The following SLC18B1 variants were observed in gnomAD, a reference collection of about 807,000 sequenced individuals.
The protein encoded by SLC18B1 is MFS-type transporter SLC18B1.
SLC18B1 carries 62 observed loss-of-function variants against 53.9 expected under a neutral mutation model. The observed-to-expected ratio is 1.15, with a 90% CI of 0.94 to 1.42. The LOEUF (loss-of-function observed/expected upper bound fraction) is 1.42. SLC18B1 is among the 40% of genes most tolerant of loss of function. SLC18B1 has a pLI of 0.00. For missense variants in SLC18B1, 598 were observed against 547.3 expected (o/e 1.09, Z -0.93); for synonymous variants, 217 against 200.9 (o/e 1.08, Z -0.68).
At chr6:132,798,076 A>G (rs1781745797) in intron 1 of SLC18B1, among the ~76,000 whole-genome samples, 1 of 152,240 alleles carries the variant, frequency 6.6e-6, no homozygotes, top group African/African-American at 2.4e-5. Context: ...GAGAAAGGGA[A>G]ATGAAAGTTA....
chr6:132,794,072 T>C (rs1470270327), intron 2 of SLC18B1, among the ~76,000 whole-genome samples: 1 of 151,936 alleles, frequency 6.6e-6, no homozygotes, highest in Non-Finnish European at 1.5e-5. Context: ...TTCTTCTCCA[T>C]CTCAATTCCA....
At chr6:132,796,120 G>A (rs979843946) in intron 2 of SLC18B1, among the ~76,000 whole-genome samples, 6 of 150,456 alleles carry the variant, frequency 4.0e-5, no homozygotes, top group African/African-American at 1.5e-4. Flanking sequence ...AGGCGGAGGC[G>A]GGCAGATCAT....
intron 5 of SLC18B1, among the ~76,000 whole-genome samples, chr6:132,785,162 T>C (rs557206544): frequency 6.6e-6 from 1 of 151,874 alleles, no homozygotes; most frequent in Non-Finnish European, 1.5e-5. Flanking sequence ...AGTGTGTACA[T>C]ATATATATGT....
At chr6:132,780,209 T>A (rs1781198442) in intron 6 of SLC18B1, among the ~76,000 whole-genome samples, 1 of 151,978 alleles carries the variant, frequency 6.6e-6, no homozygotes, top group South Asian at 2.1e-4. Flanking sequence ...CAAGTGATAC[T>A]CCTGTCTCAG....
intron 13 of SLC18B1, 26 bp downstream of exon 13, chr6:132,770,863 GA>G (rs772317197): frequency 1.3e-6 from 2 of 1,588,260 alleles, no homozygotes; most frequent in Non-Finnish European, 1.7e-6. Context: ...TTTAAAGAGA[GA>G]AAAAAAGCCC....
At chr6:132,780,565 GTTTTTTTT>G (rs10537572) in intron 6 of SLC18B1, among the ~76,000 whole-genome samples, 1 of 75,902 alleles carries the variant, frequency 1.3e-5, no homozygotes, top group African/African-American at 5.8e-5. Context: ...CGTGGTGTTA[GTTTTTTTT>G]TTTTTTTTTT....
At position 132,770,909 on chromosome 6, in the gene SLC18B1, C is replaced by T. The variant is rs1443047859; in HGVS notation, c.1285G>A (p.Glu429Lys). ...GLAMGLFYLL[E>K]YSRRKRSKSQ... ...CCATACCTTTTTCTCCTTGAATACTCCAGTAGATAAAACAAGCCCATGGCT... is the reference window on the plus strand; with the variant it reads ...CCATACCTTTTTCTCCTTGAATACTTCAGTAGATAAAACAAGCCCATGGCT... The change falls in exon 13 of 14, where the codon GAG becomes AAG. Residue 429 changes from glutamate (E) to lysine (K), a missense_variant. Physicochemically the swap from Glu to Lys is moderately conservative, Grantham distance 56 (BLOSUM62 1). Transcript: ENST00000275227. The T allele has an allele frequency of 1.2e-6, 2 of 1,612,376 alleles. No individual in the cohort carries two copies. The highest frequency in any genetic ancestry group is 1.7e-6 in the Non-Finnish European group (2 of 1,179,564).
chr6:132,792,320 G>A (rs71574632), intron 2 of SLC18B1, among the ~76,000 whole-genome samples: 127 of 95,290 alleles, frequency 1.3e-3, no homozygotes, highest in South Asian at 2.2e-3. Flanking sequence ...AGGAAGGAAG[G>A]AAGGAAGGAA....
intron 5 of SLC18B1, among the ~76,000 whole-genome samples, chr6:132,784,887 A>G (rs1185549002): frequency 6.6e-6 from 1 of 152,200 alleles, no homozygotes; most frequent in Non-Finnish European, 1.5e-5. Context: ...CAGTAAGAAC[A>G]GTAAAGAGTA....
intron 2 of SLC18B1, among the ~76,000 whole-genome samples, chr6:132,792,588 T>C (rs147974989): frequency 5.2e-4 from 79 of 152,130 alleles, no homozygotes; most frequent in Non-Finnish European, 8.7e-4. Flanking sequence ...CTAACAACAA[T>C]TAAATTAAAT....
At chr6:132,789,925 A>G in intron 3 of SLC18B1, 88 bp from the exon 4 acceptor site, 5 of 883,866 alleles carry the variant, frequency 5.7e-6, no homozygotes, top group Non-Finnish European at 9.4e-6. Context: ...TGGCAAATAT[A>G]GGATAGGGGA....
intron 6 of SLC18B1, among the ~76,000 whole-genome samples, chr6:132,782,343 T>G (rs951081955): frequency 2.6e-5 from 4 of 152,198 alleles, no homozygotes; most frequent in African/African-American, 7.2e-5. Flanking sequence ...GTGTATACAT[T>G]GTAGAATAAG....
intron 7 of SLC18B1, among the ~76,000 whole-genome samples, chr6:132,776,942 G>C (rs1321353943): frequency 6.6e-6 from 1 of 152,114 alleles, no homozygotes; most frequent in Non-Finnish European, 1.5e-5. Context: ...ATGTAAAACC[G>C]GGTGTGGTGG....
rs781141007 is a variant in SLC18B1, at chr6:132,771,057, T to C, written c.1233A>G (p.Gln411=). 4 of 1,614,118 alleles carry C rather than the reference T, an allele frequency of 2.5e-6. No individual in the cohort carries two copies. The East Asian group carries it at 8.9e-5, about 36-fold the overall frequency. Residue 411 remains glutamine (Q), a synonymous_variant, in exon 12 of 14, where the codon CAA becomes CAG. Transcript: ENST00000275227. ...TCACACTTATCAGAGCCCATAGACC[T>C]TGTATAGCTGCTGCCCATTCAAAAC... ...KIGFEWAAAI[Q]GLWALISGLA... is the part of the protein sequence containing the mutation.
At chr6:132,792,997 T>A (rs924702276) in intron 2 of SLC18B1, among the ~76,000 whole-genome samples, 1 of 152,188 alleles carries the variant, frequency 6.6e-6, no homozygotes, top group African/African-American at 2.4e-5. Flanking sequence ...GATGCGCGCC[T>A]GTAATCCCAG....
At chr6:132,786,459 G>A (rs565465840) in intron 5 of SLC18B1, among the ~76,000 whole-genome samples, 12 of 148,854 alleles carry the variant, frequency 8.1e-5, no homozygotes, top group African/African-American at 2.7e-4. Flanking sequence ...TGAGGCAAGA[G>A]AATAGCGTGA....
At chr6:132,786,082 A>C (rs1435535019) in intron 5 of SLC18B1, among the ~76,000 whole-genome samples, 2 of 152,124 alleles carry the variant, frequency 1.3e-5, no homozygotes, top group Admixed American at 6.5e-5. Flanking sequence ...GCCCTCTCCA[A>C]ACTTGCTTAA....
chr6:132,792,357 G>GGAAGGAAGGAAGGAAGGAAGGA (rs1562271694), intron 2 of SLC18B1, among the ~76,000 whole-genome samples: 7 of 100,950 alleles, frequency 6.9e-5, no homozygotes, highest in African/African-American at 1.2e-4. Context: ...GGAAGGAAGG[G>GGAAGGAAGGAAGGAAGGAAGGA]AAAGAAAGAA....
Position 132,790,172 on chromosome 6 carries a change from C to T in SLC18B1, c.279+5G>A. 3.9e-6 allele frequency: 6 copies of T among 1,552,224 alleles called. No homozygotes were observed. Among genetic ancestry groups the T allele is most frequent in the Admixed American group, 1.9e-5 (1 of 51,602 alleles). ...TTAAGATGTGCATATGAACTTTATA[C>T]TTACATAGTTTCCAAATACCAAGGA... is the stretch of plus-strand genomic sequence containing the variant. On this transcript the variant is annotated splice_donor_5th_base_variant and intron_variant, in intron 3 of 13. Transcript: ENST00000275227.
Sources: gnomAD v4.1 joint callset for allele counts (sites outside exome capture counted in the v4.1 genomes callset) on GRCh38, gnomAD v4.1.1 for gene constraint, MANE v1.5 for transcripts, NCBI Gene and HGNC (gene_info 2026-07-23, HGNC 2026-07-21) for gene names.